GRM8: variants seen among roughly 807,000 people sequenced by gnomAD.
The protein encoded by GRM8 is metabotropic glutamate receptor 8.
GRM8 carries 47 observed loss-of-function variants against 87.2 expected under a neutral mutation model. The observed-to-expected ratio is 0.54, with a 90% CI of 0.43 to 0.69. The LOEUF is 0.69. Ranked by LOEUF, GRM8 falls within the 30% of genes least tolerant of loss-of-function variation. GRM8 has a pLI of 0.00. For synonymous variants in GRM8, 396 were observed against 404.5 expected (o/e 0.98, Z 0.25); for missense variants, 1,019 against 1,139.2 (o/e 0.89, Z 1.52).
At chr7:126,834,128 A>G (rs758153344) in intron 6 of GRM8, among the ~76,000 whole-genome samples, 1 of 152,186 alleles carries the variant, frequency 6.6e-6, no homozygotes, top group African/African-American at 2.4e-5. Context: ...ATAAATGTCA[A>G]CCAAATGGTG....
chr7:126,937,571 G>A (rs1806467903), intron 3 of GRM8, among the ~76,000 whole-genome samples: 1 of 152,210 alleles, frequency 6.6e-6, no homozygotes, highest in Non-Finnish European at 1.5e-5. Context: ...AGGCCATCAA[G>A]GACAATGGAC....
At position 126,626,101 on chromosome 7, in the gene GRM8, A is replaced by AGTGTGTGTGTGTGTGTGT. The variant is rs71312854; in HGVS notation, c.1358-16621_1358-16604dup. 2.6e-3 allele frequency among the ~76,000 whole-genome samples: 380 copies of AGTGTGTGTGTGTGTGTGT among 148,828 alleles called. 1 individual carries two copies. The highest frequency in any genetic ancestry group is 4.9e-3 in the South Asian group (23 of 4,678). ...TAGTGATGATTACATATATGAGAGA[A>AGTGTGTGTGTGTGTGTGT]GTGTGTGTGTGTGTGTGTGTGTGTG... On this transcript the variant is annotated intron_variant, in intron 7 of 10. Transcript: ENST00000339582.
chr7:127,057,119 A>C (rs371963898), intron 3 of GRM8, among the ~76,000 whole-genome samples: 3 of 152,372 alleles, frequency 2.0e-5, no homozygotes, highest in East Asian at 3.9e-4. Flanking sequence ...AGTGAGAAAC[A>C]TACAGCTTTA....
intron 3 of GRM8, among the ~76,000 whole-genome samples, chr7:126,971,368 T>C (rs919325253): frequency 1.3e-5 from 2 of 152,060 alleles, no homozygotes; most frequent in Non-Finnish European, 2.9e-5. Context: ...GGTAAAAACA[T>C]GTTGAACTCT....
intron 6 of GRM8, among the ~76,000 whole-genome samples, chr7:126,851,824 C>G (rs1563249555): frequency 6.6e-6 from 1 of 152,128 alleles, no homozygotes. Context: ...TTATTTTTCC[C>G]CTTAGCACTT....
intron 7 of GRM8, among the ~76,000 whole-genome samples, chr7:126,689,104 G>A (rs1808510652): frequency 6.6e-6 from 1 of 152,066 alleles, no homozygotes; most frequent in Admixed American, 6.6e-5. Flanking sequence ...ACCAATCACA[G>A]GCAATGTTGC....
At position 127,068,268 on chromosome 7, in the gene GRM8, A is replaced by G. The variant is rs908919247; in HGVS notation, c.727+38228T>C. Among the ~76,000 whole-genome samples the G allele has an allele frequency of 1.4e-4, 21 of 152,204 alleles. 1 individual carries two copies. The highest frequency in any genetic ancestry group is 4.3e-4 in the African/African-American group (18 of 41,450). ...GGGGAACTTGTAGCCAGCATTCCAA[A>G]TTCAATTTATTAACTCCCTCATCAA... On this transcript the variant is annotated intron_variant, in intron 3 of 10. Transcript: ENST00000339582.
At chr7:126,588,860 G>A (rs1388275618) in intron 8 of GRM8, among the ~76,000 whole-genome samples, 3 of 152,118 alleles carry the variant, frequency 2.0e-5, no homozygotes, top group African/African-American at 4.8e-5. Flanking sequence ...TGGGGAACTC[G>A]AAGGTCCAGG....
At chr7:126,454,911 C>A (rs370189143) in intron 9 of GRM8, among the ~76,000 whole-genome samples, 1 of 151,540 alleles carries the variant, frequency 6.6e-6, no homozygotes, top group Non-Finnish European at 1.5e-5. Flanking sequence ...TTTAAACCAC[C>A]CTGTGTGTGA....
intron 2 of GRM8, among the ~76,000 whole-genome samples, chr7:127,145,550 T>A (rs1828510183): frequency 6.6e-6 from 1 of 152,178 alleles, no homozygotes; most frequent in Non-Finnish European, 1.5e-5. Flanking sequence ...TGAACATCTG[T>A]AATACCTGTC....
chr7:126,880,661 C>T (rs1356283755), intron 6 of GRM8, among the ~76,000 whole-genome samples: 1 of 152,200 alleles, frequency 6.6e-6, no homozygotes, highest in African/African-American at 2.4e-5. Flanking sequence ...ATGCAAATTC[C>T]AATAGTAATA....
intron 6 of GRM8, among the ~76,000 whole-genome samples, chr7:126,810,770 G>T (rs1456021717): frequency 1.3e-5 from 2 of 152,112 alleles, no homozygotes; most frequent in South Asian, 4.1e-4. Context: ...AGATTTGTTA[G>T]AGATTCCCAT....
At chr7:126,577,818 T>TTC (rs902023941) in intron 8 of GRM8, among the ~76,000 whole-genome samples, 3 of 152,002 alleles carry the variant, frequency 2.0e-5, no homozygotes, top group African/African-American at 4.8e-5. Context: ...AGCATTTTTT[T>TTC]TCTCTCTCTC....
At chr7:126,898,594 A>G (rs1417546699) in intron 6 of GRM8, among the ~76,000 whole-genome samples, 1 of 152,204 alleles carries the variant, frequency 6.6e-6, no homozygotes, top group African/African-American at 2.4e-5. Flanking sequence ...ACAAATTGTT[A>G]TAATTTTAGC....
At chr7:127,159,184 G>A (rs764679097) in intron 2 of GRM8, among the ~76,000 whole-genome samples, 9 of 152,162 alleles carry the variant, frequency 5.9e-5, no homozygotes, top group Non-Finnish European at 8.8e-5. Flanking sequence ...CACTTTTGTT[G>A]TGTGCGAACT....
chr7:126,690,230 C>T (rs781245101), intron 7 of GRM8, among the ~76,000 whole-genome samples: 2 of 152,222 alleles, frequency 1.3e-5, no homozygotes, highest in Non-Finnish European at 2.9e-5. Flanking sequence ...TGGCAGGCTG[C>T]GCTCAGCTCG....
intron 5 of GRM8, 108 bp downstream of exon 5, chr7:126,903,864 A>T (rs1457533673): frequency 1.8e-6 from 1 of 551,614 alleles, no homozygotes; most frequent in East Asian, 3.3e-5. Context: ...TAAAATTTGT[A>T]TCAAGTCATC....
chr7:126,981,967 CATCTATATCTAT>C (rs58806935), intron 3 of GRM8, among the ~76,000 whole-genome samples: 3 of 151,800 alleles, frequency 2.0e-5, no homozygotes, highest in African/African-American at 7.3e-5. Flanking sequence ...AGGATAAATA[CATCTATATCTAT>C]ATCTATATCT....
intron 7 of GRM8, among the ~76,000 whole-genome samples, chr7:126,656,362 C>T (rs1012626277): frequency 3.3e-5 from 5 of 152,130 alleles, no homozygotes; most frequent in Admixed American, 2.0e-4. Flanking sequence ...TTCCACTCCT[C>T]CTCATGTTAT....
Sources: gnomAD v4.1 joint callset for allele counts (sites outside exome capture counted in the v4.1 genomes callset) on GRCh38, gnomAD v4.1.1 for gene constraint, MANE v1.5 for transcripts, NCBI Gene and HGNC (gene_info 2026-07-23, HGNC 2026-07-21) for gene names.